METTL17: variants seen among roughly 807,000 people sequenced by gnomAD.
METTL17 encodes the protein ribosome assembly protein METTL17, mitochondrial.
METTL17 carries 49 observed loss-of-function variants against 59.4 expected under a neutral mutation model. The ratio of observed to expected loss-of-function variants is 0.82; its 90% CI spans 0.66 to 1.05. The LOEUF is 1.05. Ranked by LOEUF, METTL17 falls within the 50% of genes least tolerant of loss-of-function variation. The probability of loss-of-function intolerance (pLI) is 0.00; values close to 1 mark genes in which losing one functional copy is unlikely to be tolerated. For synonymous variants in METTL17, 208 were observed against 209.2 expected, an observed-to-expected ratio of 0.99 and a Z score of 0.05; for missense variants, 555 against 578.4, an observed-to-expected ratio of 0.96 and a Z score of 0.41.
At chr14:20,993,309 A>G (rs1594341415) in intron 6 of METTL17, 118 bp downstream of exon 6, 1 of 836,630 alleles carries the variant, frequency 1.2e-6, no homozygotes, top group Non-Finnish European at 2.0e-6. Flanking sequence ...TTGGGAATCT[A>G]TAATGTTTCT....
At chr14:20,990,810 T>TTTTG (rs10647581) in intron 3 of METTL17, 183,952 of 451,990 alleles carry the variant, frequency 0.41, 33,503 homozygotes, top group Admixed American at 0.48. Context: ...GTATACTGTT[T>TTTTG]TTTGTTTGTT....
intron 3 of METTL17, 22 bp from the exon 4 acceptor site, chr14:20,992,101 TC>T (rs1442413403): frequency 6.2e-7 from 1 of 1,611,690 alleles, no homozygotes; most frequent in South Asian, 1.1e-5. Context: ...GGTCCTGACT[TC>T]CAGTCCTTGT....
rs756538272 is a variant in METTL17 at position 20,990,095 on chromosome 14, C to A, written c.75+18C>A. ...AGGCCCGGGTGAGTGCCTACATTCCCTGCTGTCGGAGAGACTCTGGATCTG... is the reference window on the plus strand; with the variant it reads ...AGGCCCGGGTGAGTGCCTACATTCCATGCTGTCGGAGAGACTCTGGATCTG... On this transcript the variant is annotated intron_variant, in intron 1 of 13. Coordinates refer to ENST00000339374, the MANE Select transcript of METTL17 (RefSeq NM_022734.3). 4 of 1,612,652 alleles carry A rather than the reference C, an allele frequency of 2.5e-6. No individual in the cohort carries two copies.
chr14:20,994,549 C>T lies in METTL17; in HGVS notation c.704C>T (p.Ser235Leu), dbSNP rs1566433543. 1 of 1,614,098 alleles carries T rather than the reference C, an allele frequency of 6.2e-7. No individual in the cohort carries two copies. The highest frequency in any genetic ancestry group is 1.7e-5 in the Admixed American group (1 of 60,032). ...VLAEKLLKGG[S>L]ESGEPYIPGV... ...CCTCTTCTTTTCTCCACAGGTGGTT[C>T]AGAATCTGGGGAGCCTTATATTCCA... is the stretch of plus-strand genomic sequence containing the variant. The change falls in exon 8 of 14, where the codon TCA (serine) becomes TTA (leucine). Residue 235 changes from serine to leucine, a missense_variant. Transcript: ENST00000339374.
intron 6 of METTL17, 187 bp from the exon 7 acceptor site, chr14:20,993,782 T>G (rs538780809): frequency 7.6e-5 from 15 of 196,280 alleles, no homozygotes; most frequent in African/African-American, 3.7e-4. Flanking sequence ...TGAGTCTACC[T>G]TTTTTTTTTT....
chr14:20,996,091 C>T, intron 11 of METTL17, 118 bp from the exon 12 acceptor site: 1 of 1,265,860 alleles, frequency 7.9e-7, no homozygotes, highest in Non-Finnish European at 1.2e-6. Context: ...CTGGCTCTTC[C>T]TACCCACTGC....
Position 20,996,921 on chromosome 14 carries a change from C to T in METTL17, c.*31C>T, listed in dbSNP as rs80314558. On this transcript the variant is annotated 3_prime_UTR_variant, in exon 14 of 14. Transcript: ENST00000339374. The stretch of plus-strand genomic sequence containing the variant: ...ATGTGTAACAAGTATTTTCTTCTAT[C>T]GTGCCTGCCAGGGCTGAAGCTGCCT... 734 of 1,580,328 alleles carry T rather than the reference C, an allele frequency of 4.6e-4. 5 individuals are homozygous for T. The African/African-American group carries it at 7.8e-3, about 17-fold the overall frequency.
At chr14:20,992,025 G>C (rs1880052761) in intron 3 of METTL17, 99 bp from the exon 4 acceptor site, 1 of 1,078,006 alleles carries the variant, frequency 9.3e-7, no homozygotes, top group Non-Finnish European at 1.4e-6. Context: ...GCTTTTCTTA[G>C]GTGGAGTCGG....
chr14:20,992,831 G>A, intron 5 of METTL17: 1 of 608,376 alleles, frequency 1.6e-6, no homozygotes, highest in Non-Finnish European at 2.9e-6. Context: ...TGAGGCTGCA[G>A]TGAGCTGTGA....
At chr14:20,992,034 G>T in intron 3 of METTL17, 90 bp from the exon 4 acceptor site, 3 of 1,168,706 alleles carry the variant, frequency 2.6e-6, no homozygotes, top group South Asian at 2.6e-5. Flanking sequence ...AGGTGGAGTC[G>T]GGGAGGACTG....
chr14:20,995,782 T>G, intron 10 of METTL17, 119 bp from the exon 11 acceptor site: 2 of 751,130 alleles, frequency 2.7e-6, no homozygotes, highest in Admixed American at 4.5e-5. Flanking sequence ...TCAAAGGACA[T>G]AGTCAATCGT....
At position 20,992,044 on chromosome 14, in the gene METTL17, G is replaced by A. The variant is rs756222534; in HGVS notation, c.365-80G>A. On this transcript the variant is annotated intron_variant, in intron 3 of 13. Coordinates refer to ENST00000339374, the MANE Select transcript of METTL17 (RefSeq NM_022734.3). ...TTCTTAGGTGGAGTCGGGGAGGACT[G>A]GGTGGGCAGTATATTCAGATATTGG... The A allele has an allele frequency of 7.8e-6, 10 of 1,276,470 alleles. No homozygotes were observed. In the Admixed American group the frequency reaches 1.3e-4, roughly 16 times the overall value. The allele number at this position is 1,276,470 out of a possible 1,614,324, so 79.1% of individuals were successfully genotyped here. A position where few individuals can be genotyped will look rare whatever the true frequency, so the allele number is the denominator to read the frequency against.
At position 20,996,906 on chromosome 14, in the gene METTL17, AG is replaced by A. The variant is rs1880420591; in HGVS notation, c.*17del. 3 of 1,593,918 alleles carry A rather than the reference AG, an allele frequency of 1.9e-6. No homozygotes were observed. The highest frequency in any genetic ancestry group is 1.1e-5 in the South Asian group (1 of 90,702). ...TGAGAGTTGATGAGGATGTGTAACA[AG>A]TATTTTCTTCTATCGTGCCTGCCAG... On this transcript the variant is annotated 3_prime_UTR_variant, in exon 14 of 14. Transcript: ENST00000339374.
chr14:20,992,909 C>T (rs1354013214), intron 5 of METTL17: 15 of 605,418 alleles, frequency 2.5e-5, no homozygotes, highest in Non-Finnish European at 3.8e-5. Flanking sequence ...AAAATAAAGA[C>T]GTTCTCTTTA....
At position 20,993,122 on chromosome 14, in the gene METTL17, G is replaced by A. The variant is rs34207344; in HGVS notation, c.533G>A (p.Arg178Gln). ...AAVSRAFHEI[R>Q]ARNPAFQPQT... ...GGATGTTGTATATTTCTTCAGATCC[G>A]GGCTCGAAATCCAGCATTTCAGCCA... Residue 178 changes from arginine (R) to glutamine (Q), a missense_variant, in exon 6 of 14, where the codon CGG becomes CAG. Physicochemically the swap from Arg to Gln is conservative, Grantham distance 43. Coordinates refer to ENST00000339374, the MANE Select transcript of METTL17 (RefSeq NM_022734.3). The A allele has an allele frequency of 5.0e-4, 814 of 1,613,872 alleles. 3 individuals are homozygous for A. The African/African-American group carries it at 9.2e-3, about 18-fold the overall frequency.
intron 12 of METTL17, 47 bp downstream of exon 12, chr14:20,996,339 AC>A (rs2138742886): frequency 6.3e-7 from 1 of 1,582,150 alleles, no homozygotes; most frequent in Non-Finnish European, 8.7e-7. Flanking sequence ...TCCTGGAAAA[AC>A]AGGAAGAAAA....
chr14:20,992,495 TTAAG>T lies in METTL17; in HGVS notation c.447-45_447-42del, dbSNP rs1566431824. On this transcript the variant is annotated intron_variant, in intron 4 of 13. Transcript: ENST00000339374. ...CTAAATCTAGAAGGTAATTATGGGA[TTAAG>T]GTTATTTACTAGTATGTACAACTCT... 4.2e-6 allele frequency: 6 copies of T among 1,424,118 alleles called. No individual in the cohort carries two copies. In the Middle Eastern group the frequency reaches 7.1e-4, roughly 168 times the overall value. The allele number at this position is 1,424,118 out of a possible 1,614,324, so 88.2% of individuals were successfully genotyped here.
intron 6 of METTL17, chr14:20,993,425 G>T: frequency 4.2e-6 from 2 of 481,672 alleles, no homozygotes; most frequent in Admixed American, 3.8e-5. Context: ...AAAAAGAAAA[G>T]GAATTATCAA....
chr14:20,991,866 A>G (rs1880044779), intron 3 of METTL17: 1 of 364,080 alleles, frequency 2.7e-6, no homozygotes, highest in African/African-American at 2.2e-5. Flanking sequence ...CTTTAATATA[A>G]AACAAACCTG....
Sources: gnomAD v4.1 joint callset for allele counts on GRCh38, gnomAD v4.1.1 for gene constraint, MANE v1.5 for transcripts, NCBI Gene and HGNC (gene_info 2026-07-23, HGNC 2026-07-21) for gene names.